The following PMS2 variants were observed in gnomAD, a reference collection of about 807,000 sequenced individuals.
PMS2 encodes mismatch repair endonuclease PMS2.
Under a neutral mutation model 90.0 loss-of-function variants are expected in PMS2, and 69 were observed. The ratio of observed to expected loss-of-function variants is 0.77; its 90% CI spans 0.63 to 0.94. The LOEUF (loss-of-function observed/expected upper bound fraction) is 0.94. Ranked by LOEUF, PMS2 falls within the 40% of genes least tolerant of loss-of-function variation. PMS2 has a pLI of 0.00. For synonymous variants in PMS2, 332 were observed against 375.1 expected (o/e 0.89, Z 1.33); for missense variants, 966 against 1,040.2 (o/e 0.93, Z 0.98).
At chr7:6,002,749 T>C (rs1377284073) in intron 4 of PMS2, 113 bp from the exon 5 acceptor site, 2 of 846,728 alleles carry the variant, frequency 2.4e-6, no homozygotes, top group African/African-American at 3.3e-5. Context: ...AAGCTGACGA[T>C]CCCTCTGAGA....
intron 10 of PMS2, among the ~76,000 whole-genome samples, chr7:5,988,925 G>A (rs1366139981): frequency 1.3e-5 from 2 of 151,996 alleles, no homozygotes; most frequent in Admixed American, 6.6e-5. Context: ...GCACAATCTT[G>A]GCTCACTGCA....
chr7:6,003,841 A>C (rs780904206), intron 3 of PMS2, 49 bp from the exon 4 acceptor site: 5 of 1,315,566 alleles, frequency 3.8e-6, no homozygotes, highest in Non-Finnish European at 5.5e-6. Flanking sequence ...GTGCTATAAC[A>C]ACAAAATATA....
intron 1 of PMS2, 137 bp downstream of exon 1, chr7:6,008,860 C>G: frequency 9.3e-7 from 1 of 1,075,462 alleles, no homozygotes; most frequent in East Asian, 2.4e-5. Context: ...ACTGAGGTCG[C>G]CACTCCGGGG....
rs146797531 is a variant in PMS2 at position 5,989,120 on chromosome 7, G to T, written c.1144+680C>A. 8.7e-4 allele frequency among the ~76,000 whole-genome samples: 132 copies of T among 152,266 alleles called. 1 individual carries two copies. In the East Asian group the frequency reaches 0.025, roughly 28 times the overall value. ...CCGCCTTGGCCTCCCAAAGTACTGG[G>T]ATTACAAGCATGAGCCGCTGCGCCT... On this transcript the variant is annotated intron_variant, in intron 10 of 14. Transcript: ENST00000265849.
At chr7:6,004,271 T>C in intron 2 of PMS2, 1 of 445,640 alleles carries the variant, frequency 2.2e-6, no homozygotes. Context: ...CTTTCTTTCC[T>C]CTTTTTTTTT....
intron 7 of PMS2, 125 bp from the exon 8 acceptor site, chr7:5,995,758 T>C (rs1784330542): frequency 1.3e-6 from 1 of 743,460 alleles, no homozygotes; most frequent in Admixed American, 2.0e-5. Flanking sequence ...TAAGGATCAC[T>C]ATTGCAGTTC....
intron 5 of PMS2, 142 bp from the exon 6 acceptor site, chr7:5,999,417 G>A: frequency 1.3e-6 from 1 of 793,418 alleles, no homozygotes; most frequent in South Asian, 1.5e-5. Flanking sequence ...GATCTGTAAA[G>A]AGGTGTCTTC....
At chr7:5,975,637 A>G (rs1433068703) in intron 14 of PMS2, among the ~76,000 whole-genome samples, 2 of 27,264 alleles carry the variant, frequency 7.3e-5, no homozygotes, top group Non-Finnish European at 1.5e-4. Flanking sequence ...CCCTGGCTCA[A>G]GTGATCCTCC....
chr7:6,007,799 G>GT (rs1356161507), intron 1 of PMS2, among the ~76,000 whole-genome samples: 1 of 151,100 alleles, frequency 6.6e-6, no homozygotes, highest in Non-Finnish European at 1.5e-5. Flanking sequence ...ATGGAAAGAA[G>GT]TATCTCTAAA....
At chr7:6,003,626 T>A (rs373991616) in intron 4 of PMS2, 64 bp downstream of exon 4, 1 of 856,050 alleles carries the variant, frequency 1.2e-6, no homozygotes, top group Non-Finnish European at 2.0e-6. Context: ...TAATAATGAT[T>A]CCAATTAATT....
chr7:5,998,120 C>T (rs1489706914), intron 6 of PMS2, among the ~76,000 whole-genome samples: 4 of 147,602 alleles, frequency 2.7e-5, no homozygotes, highest in African/African-American at 5.0e-5. Context: ...CTTGCTCTCT[C>T]GCCCAGGCTG....
chr7:5,996,590 A>AAATATATATATATATATAC (rs56858711), intron 7 of PMS2, among the ~76,000 whole-genome samples: 1 of 110,200 alleles, frequency 9.1e-6, no homozygotes, highest in African/African-American at 3.8e-5. Context: ...AAAAAAAAAA[A>AAATATATATATATATATAC]ATATATATAT....
intron 2 of PMS2, chr7:6,004,368 G>A (rs1172283389): frequency 5.2e-5 from 13 of 250,092 alleles, no homozygotes; most frequent in Non-Finnish European, 7.7e-5. Flanking sequence ...TGTAAACCGC[G>A]TTGCACTTTG....
At chr7:6,005,858 C>A in intron 2 of PMS2, 34 bp downstream of exon 2, 2 of 1,610,420 alleles carry the variant, frequency 1.2e-6, no homozygotes, top group Non-Finnish European at 1.7e-6. Flanking sequence ...ATTCACAGAT[C>A]ATTTCTTGTG....
chr7:6,000,502 C>T (rs1784976396), intron 5 of PMS2, among the ~76,000 whole-genome samples: 1 of 151,674 alleles, frequency 6.6e-6, no homozygotes, highest in Non-Finnish European at 1.5e-5. Context: ...GAAAATTATT[C>T]CAACAGTTAT....
Position 5,987,301 on chromosome 7 carries a change from C to T in PMS2, c.1464G>A (p.Ala488=), listed in dbSNP as rs754945468. The change falls in exon 11 of 15, where the codon GCG becomes GCA. Residue 488 remains alanine (A), a synonymous_variant. Transcript: ENST00000265849. ...CGTGCCCCGAGTCCTTCTCCACCTC[C>T]GCTCTGTCCGTAGGGTCACTGGGTC... is the stretch of plus-strand genomic sequence containing the variant. ...SHGPSDPTDR[A]EVEKDSGHGS... 11 of 1,614,026 alleles carry T rather than the reference C, an allele frequency of 6.8e-6. No homozygotes were observed. The highest frequency in any genetic ancestry group is 2.2e-5 in the East Asian group (1 of 44,894).
intron 10 of PMS2, among the ~76,000 whole-genome samples, chr7:5,989,133 A>T (rs1251866093): frequency 1.3e-5 from 2 of 152,182 alleles, no homozygotes; most frequent in Non-Finnish European, 2.9e-5. Context: ...TACAAGCATG[A>T]GCCGCTGCGC....
chr7:5,979,158 C>A (rs1381679102), intron 12 of PMS2, among the ~76,000 whole-genome samples: 3 of 139,330 alleles, frequency 2.2e-5, no homozygotes, highest in Non-Finnish European at 4.6e-5. Context: ...GCCAAGATCA[C>A]GCCACTGTAC....
At chr7:5,991,905 C>A (rs1414590292) in intron 9 of PMS2, 68 bp downstream of exon 9, 6 of 828,040 alleles carry the variant, frequency 7.2e-6, no homozygotes, top group African/African-American at 6.7e-5. Context: ...CATAGCAGAG[C>A]TGTAGAATTT....
Sources: allele counts gnomAD v4.1 joint callset (sites outside exome capture counted in the v4.1 genomes callset), GRCh38; gene constraint gnomAD v4.1.1; transcripts MANE v1.5; gene names NCBI Gene and HGNC (gene_info 2026-07-23, HGNC 2026-07-21).